The following MEIS3 variants were observed in gnomAD, a reference collection of about 807,000 sequenced individuals.
The protein encoded by MEIS3 is Meis homeobox 3.
A neutral mutation model predicts 51.4 loss-of-function variants in MEIS3; 38 were observed. That is an observed-to-expected ratio of 0.74 (90% confidence interval 0.57 to 0.97). The LOEUF (loss-of-function observed/expected upper bound fraction) is 0.97, where lower values mean the gene tolerates loss of function less well. Ranked by LOEUF, MEIS3 falls within the 50% of genes least tolerant of loss-of-function variation. The probability of loss-of-function intolerance (pLI) is 0.00; values close to 1 mark genes in which losing one functional copy is unlikely to be tolerated. For synonymous variants in MEIS3, 198 were observed against 201.8 expected (o/e 0.98, Z 0.16); for missense variants, 456 against 502.6 (o/e 0.91, Z 0.89).
chr19:47,413,327 A>G (rs1359768897), intron 6 of MEIS3, among the ~76,000 whole-genome samples: 1 of 151,148 alleles, frequency 6.6e-6, no homozygotes, highest in Non-Finnish European at 1.5e-5. Context: ...CAGGAGGCAG[A>G]GCTTGCAGTG....
In MEIS3 at chr19:47,417,357, G is replaced by A; in HGVS notation, c.13-7C>T. 2 of 1,613,160 alleles carry A rather than the reference G, an allele frequency of 1.2e-6. No homozygotes were observed. Among genetic ancestry groups the A allele is most frequent in the Non-Finnish European group, 1.7e-6 (2 of 1,179,656 alleles). On this transcript the variant is annotated splice_region_variant and splice_polypyrimidine_tract_variant and intron_variant, in intron 1 of 12. Coordinates refer to ENST00000558555, the MANE Select transcript of MEIS3 (RefSeq NM_001301059.2). ...AGTGCGGCAGCTCATCATACTGGGG[G>A]AAGGTGAGAAGAGAAGGGCGGAGCC...
Position 47,406,482 on chromosome 19 carries a change from G to A in MEIS3, c.1123C>T (p.Leu375=), listed in dbSNP as rs530960589. The change falls in exon 12 of 13, where the codon CTA becomes TTA. Residue 375 remains leucine, a synonymous_variant. Transcript: ENST00000558555. The stretch of plus-strand genomic sequence containing the variant: ...CACCTCTCCTGCATCAGCCTCTATA[G>A]ATAATGCCATTCTCCTTCCAAGTTC... ...SLNLEGEWHY[L] is the part of the protein sequence containing the mutation. The A allele has an allele frequency of 2.2e-5, 36 of 1,613,852 alleles. 1 individual carries two copies. In the South Asian group the frequency reaches 3.8e-4, roughly 17 times the overall value.
upstream of MEIS3, among the ~76,000 whole-genome samples, chr19:47,422,147 C>T (rs934576303): frequency 5.3e-5 from 8 of 151,982 alleles, no homozygotes; most frequent in African/African-American, 1.4e-4. Flanking sequence ...CTGACAAATG[C>T]CTGCCGCCCC....
intron 1 of MEIS3, chr19:47,418,128 T>A: frequency 5.7e-6 from 1 of 174,688 alleles, no homozygotes; most frequent in Non-Finnish European, 1.2e-5. Flanking sequence ...AACACCATTA[T>A]GGGGTAGGAC....
chr19:47,409,567 A>T lies in MEIS3; in HGVS notation c.598-20T>A, dbSNP rs1427324084. The T allele has an allele frequency of 1.8e-5, 29 of 1,596,800 alleles. No homozygotes were observed. In the Admixed American group the frequency reaches 4.5e-4, roughly 25 times the overall value. Reference sequence around the variant, plus strand: ...ATTATTCTAGAAAACAAGAGTTAGAAGTTAGTGCCAAGGCGGCCGGGCGCA... The same window carrying T: ...ATTATTCTAGAAAACAAGAGTTAGATGTTAGTGCCAAGGCGGCCGGGCGCA... On this transcript the variant is annotated intron_variant, in intron 6 of 12. Coordinates refer to ENST00000558555, the MANE Select transcript of MEIS3 (RefSeq NM_001301059.2).
chr19:47,414,756 G>A lies in MEIS3; in HGVS notation c.558C>T (p.Phe186=), dbSNP rs373958821. The part of the protein sequence containing the change: ...EDRDGGCRED[F]EDYPASCPSL... ...TGGGGCAGGAGGCTGGGTAGTCCTC[G>A]AAGTCCTCCCTGCAGCCGCCGTCCC... is the stretch of plus-strand genomic sequence containing the variant. Residue 186 remains phenylalanine (F), a synonymous_variant, in exon 6 of 13, where the codon TTC becomes TTT. Transcript: ENST00000558555. 1.5e-4 allele frequency: 242 copies of A among 1,612,316 alleles called. 1 individual carries two copies. In the South Asian group the frequency reaches 1.8e-3, roughly 12 times the overall value.
chr19:47,421,058 GC>G (rs1216876000), upstream of MEIS3, among the ~76,000 whole-genome samples: 11 of 151,720 alleles, frequency 7.3e-5, no homozygotes, highest in African/African-American at 2.2e-4. Flanking sequence ...TGGTGCTGGA[GC>G]GGGGGTGCCT....
chr19:47,417,498 C>G (rs753214623), intron 1 of MEIS3, 148 bp from the exon 2 acceptor site: 5 of 1,010,142 alleles, frequency 4.9e-6, no homozygotes, highest in South Asian at 1.4e-5. Context: ...TCTGAGCCCC[C>G]AAGCTTGAAG....
chr19:47,405,251 G>A (rs1430648930), intron 12 of MEIS3, among the ~76,000 whole-genome samples: 5 of 152,126 alleles, frequency 3.3e-5, no homozygotes, highest in Admixed American at 6.6e-5. Flanking sequence ...CTAAAGTGCC[G>A]CCATCATACC....
upstream of MEIS3, among the ~76,000 whole-genome samples, chr19:47,421,281 T>C (rs565876613): frequency 4.6e-5 from 7 of 152,202 alleles, no homozygotes; most frequent in East Asian, 1.4e-3. Flanking sequence ...TATGAGTAGA[T>C]CTGGGGGACC....
chr19:47,409,508 C>T lies in MEIS3; in HGVS notation c.637G>A (p.Val213Ile). 6.2e-7 allele frequency: 1 copy of T among 1,614,098 alleles called. No homozygotes were observed. The highest frequency in any genetic ancestry group is 8.5e-7 in the Non-Finnish European group (1 of 1,179,932). Residue 213 changes from valine to isoleucine, a missense_variant, in exon 7 of 13, where the codon GTA (valine) becomes ATA (isoleucine). Transcript: ENST00000558555. ...GATGGACCTGGGGTCCCCAAATGTA[C>T]AGACCCACTATCCTCATGGTCTCGA... is the stretch of plus-strand genomic sequence containing the variant. Reference protein sequence around the residue: ...WIRDHEDSGSVHLGTPGPSSG... With the variant: ...WIRDHEDSGSIHLGTPGPSSG...
chr19:47,420,891 C>T (rs1001068292), upstream of MEIS3, among the ~76,000 whole-genome samples: 1 of 106,304 alleles, frequency 9.4e-6, no homozygotes, highest in Non-Finnish European at 2.1e-5. Flanking sequence ...CTCTGTCTCT[C>T]GCTCTCTCTC....
intron 1 of MEIS3, chr19:47,417,846 T>TGTGG: frequency 1.6e-6 from 1 of 609,842 alleles, no homozygotes. Flanking sequence ...CACGTGAATC[T>TGTGG]ACCACACATG....
chr19:47,417,486 T>C, intron 1 of MEIS3, 136 bp from the exon 2 acceptor site: 1 of 1,104,980 alleles, frequency 9.0e-7, no homozygotes, highest in South Asian at 1.3e-5. Context: ...GGTCCCCAGG[T>C]GTCTGAGCCC....
chr19:47,406,934 G>C lies in MEIS3; in HGVS notation c.1032C>G (p.Ile344Met). Residue 344 changes from isoleucine (I) to methionine (M), a missense_variant, in exon 11 of 13, where the codon ATC becomes ATG. Physicochemically the swap from Ile to Met is conservative, Grantham distance 10 (BLOSUM62 1). Coordinates refer to ENST00000558555, the MANE Select transcript of MEIS3 (RefSeq NM_001301059.2). ...GTGGCTGCGTCTCGGTATAGCCCCC[G>C]ATGGGCTGGCCCTCTGGGCTGAAGG... ...GAAFSPEGQP[I>M]GGYTETQPHV... 6.3e-7 allele frequency: 1 copy of C among 1,579,256 alleles called. No individual in the cohort carries two copies. The highest frequency in any genetic ancestry group is 1.8e-5 in the Admixed American group (1 of 55,178).
Position 47,417,240 on chromosome 19 carries a change from G to A in MEIS3, c.123C>T (p.Pro41=). The A allele has an allele frequency of 1.2e-6, 2 of 1,604,812 alleles. No homozygotes were observed. The highest frequency in any genetic ancestry group is 1.1e-5 in the South Asian group (1 of 89,664). The change falls in exon 2 of 13, where the codon CCC becomes CCT. Residue 41 remains proline (P), a synonymous_variant. Transcript: ENST00000558555. ...TGTCCAAGCCTGGGGGCAGGGGCTG[G>A]GGAGGCCGGTGCGGGCCATAGGGCC... is the stretch of plus-strand genomic sequence containing the variant. The part of the protein sequence containing the change: ...VPGPYGPHRP[P]QPLPPGLDSD...
chr19:47,405,304 C>T (rs983728047), intron 12 of MEIS3, among the ~76,000 whole-genome samples: 1 of 152,172 alleles, frequency 6.6e-6, no homozygotes, highest in African/African-American at 2.4e-5. Flanking sequence ...AAATAATGCC[C>T]CCCTTCCACA....
At chr19:47,417,700 T>A (rs761690024) in intron 1 of MEIS3, 16 of 701,212 alleles carry the variant, frequency 2.3e-5, no homozygotes, top group Non-Finnish European at 3.6e-5. Flanking sequence ...GGGAGATCCA[T>A]GGACACCTCC....
chr19:47,406,315 A>T, intron 12 of MEIS3, 145 bp downstream of exon 12: 1 of 594,920 alleles, frequency 1.7e-6, no homozygotes, highest in Non-Finnish European at 3.0e-6. Flanking sequence ...GGACAGATGG[A>T]TGAATATCTT....
Sources: gnomAD v4.1 joint callset for allele counts (sites outside exome capture counted in the v4.1 genomes callset) on GRCh38, gnomAD v4.1.1 for gene constraint, MANE v1.5 for transcripts, NCBI Gene and HGNC (gene_info 2026-07-23, HGNC 2026-07-21) for gene names.